The following MTMR12 variants were observed in gnomAD, a reference collection of about 807,000 sequenced individuals.
MTMR12 encodes the protein myotubularin-related protein 12.
A neutral mutation model predicts 96.7 loss-of-function variants in MTMR12; 33 were observed. The observed-to-expected ratio is 0.34, with a 90% CI of 0.26 to 0.46. The LOEUF is 0.46. Among genes scored for constraint, MTMR12 ranks in the 20% least tolerant of loss-of-function variants. The pLI, the probability that MTMR12 is intolerant of heterozygous loss-of-function variation, is 1.00. For missense variants in MTMR12, 721 were observed against 896.1 expected, an observed-to-expected ratio of 0.80 and a Z score of 2.49; for synonymous variants, 298 against 327.2, an observed-to-expected ratio of 0.91 and a Z score of 0.96.
intron 2 of MTMR12, among the ~76,000 whole-genome samples, chr5:32,276,354 T>C (rs924229351): frequency 2.6e-5 from 4 of 152,228 alleles, no homozygotes; most frequent in African/African-American, 9.6e-5. Context: ...CTCAATTCCC[T>C]ACAGATTGGG....
At chr5:32,274,688 C>T (rs929091118) in intron 2 of MTMR12, among the ~76,000 whole-genome samples, 1 of 152,208 alleles carries the variant, frequency 6.6e-6, no homozygotes, top group Admixed American at 6.5e-5. Context: ...TGACCACCCT[C>T]GTTCTGGCTC....
chr5:32,255,203 C>T (rs1205533269), intron 8 of MTMR12, among the ~76,000 whole-genome samples: 5 of 152,286 alleles, frequency 3.3e-5, no homozygotes, highest in African/African-American at 9.6e-5. Context: ...AATTAGAAAC[C>T]GGAGTAACTG....
chr5:32,241,362 T>G (rs1426389373), intron 12 of MTMR12, among the ~76,000 whole-genome samples: 3 of 152,152 alleles, frequency 2.0e-5, no homozygotes, highest in African/African-American at 7.2e-5. Context: ...AAAGATACAT[T>G]TTCCAGGCTG....
chr5:32,305,549 T>C (rs545436154), intron 1 of MTMR12, among the ~76,000 whole-genome samples: 57 of 152,318 alleles, frequency 3.7e-4, no homozygotes, highest in African/African-American at 1.3e-3. Flanking sequence ...ATAAAAATCA[T>C]CCCAATAATT....
At chr5:32,267,143 G>A (rs866812933) in intron 6 of MTMR12, among the ~76,000 whole-genome samples, 12 of 151,182 alleles carry the variant, frequency 7.9e-5, no homozygotes, top group African/African-American at 2.2e-4. Flanking sequence ...TTGGGAGGCC[G>A]AGGCCGTGGA....
intron 5 of MTMR12, among the ~76,000 whole-genome samples, chr5:32,269,379 T>C (rs1026327320): frequency 2.0e-5 from 3 of 150,952 alleles, no homozygotes; most frequent in Admixed American, 1.3e-4. Flanking sequence ...TTGTTGTTCA[T>C]TGCAACCTCC....
At chr5:32,252,411 C>G (rs1425031945) in intron 8 of MTMR12, among the ~76,000 whole-genome samples, 3 of 152,228 alleles carry the variant, frequency 2.0e-5, no homozygotes, top group African/African-American at 7.2e-5. Flanking sequence ...ATTGACTGTT[C>G]ATAATCTAGC....
chr5:32,291,497 T>C (rs756576480), intron 1 of MTMR12, among the ~76,000 whole-genome samples: 1 of 152,222 alleles, frequency 6.6e-6, no homozygotes, highest in Non-Finnish European at 1.5e-5. Flanking sequence ...TGGTCCTCTC[T>C]GAGTGGTCAA....
chr5:32,264,260 A>AGTATATACACAAATTCTCTTG (rs1184193081), intron 6 of MTMR12, among the ~76,000 whole-genome samples: 3 of 152,194 alleles, frequency 2.0e-5, no homozygotes, highest in Admixed American at 2.0e-4. Context: ...AATAGTCTTG[A>AGTATATACACAAATTCTCTTG]GTATATACAC....
At chr5:32,235,838 C>T (rs1014908311) in intron 13 of MTMR12, among the ~76,000 whole-genome samples, 1 of 152,158 alleles carries the variant, frequency 6.6e-6, no homozygotes, top group African/African-American at 2.4e-5. Context: ...ATTTAGAAAG[C>T]GCTTATCCTC....
intron 1 of MTMR12, among the ~76,000 whole-genome samples, chr5:32,278,840 G>C (rs1188580272): frequency 6.6e-6 from 1 of 152,120 alleles, no homozygotes; most frequent in East Asian, 1.9e-4. Flanking sequence ...CACTTTGGGA[G>C]GCCGAGGTGG....
At position 32,229,661 on chromosome 5, in the gene MTMR12, T is replaced by A. The variant is rs74722143; in HGVS notation, c.*117A>T. 2.0e-3 allele frequency: 1,939 copies of A among 979,346 alleles called. 20 individuals are homozygous for A. In the African/African-American group the frequency reaches 0.026, roughly 13 times the overall value. 60.7% of individuals were successfully genotyped at this position (979,346 alleles called of 1,614,324 possible). On this transcript the variant is annotated 3_prime_UTR_variant, in exon 16 of 16. Coordinates refer to ENST00000382142, the MANE Select transcript of MTMR12 (RefSeq NM_001040446.3). Reference sequence around the variant, plus strand: ...CTCTTTTCCCGAAGGCCCAGGTTTATTCTAACGGAGTGCCGGGCTAAGGAC... The same window carrying A: ...CTCTTTTCCCGAAGGCCCAGGTTTAATCTAACGGAGTGCCGGGCTAAGGAC...
intron 6 of MTMR12, among the ~76,000 whole-genome samples, chr5:32,268,340 T>G (rs1173502369): frequency 1.3e-5 from 2 of 151,940 alleles, no homozygotes; most frequent in African/African-American, 2.4e-5. Flanking sequence ...AAACCTCATC[T>G]CTACCAAAAA....
chr5:32,240,364 A>G (rs1748418767), intron 12 of MTMR12, among the ~76,000 whole-genome samples: 1 of 149,458 alleles, frequency 6.7e-6, no homozygotes, highest in Non-Finnish European at 1.5e-5. Flanking sequence ...GCACCATTGC[A>G]CTCCAGCCTG....
chr5:32,281,425 C>T (rs1750290282), intron 1 of MTMR12, among the ~76,000 whole-genome samples: 2 of 152,068 alleles, frequency 1.3e-5, no homozygotes, highest in African/African-American at 2.4e-5. Flanking sequence ...ATCTGTAAGA[C>T]TTTAACTACA....
intron 1 of MTMR12, among the ~76,000 whole-genome samples, chr5:32,288,561 TA>T (rs1209938635): frequency 6.6e-6 from 1 of 152,226 alleles, no homozygotes; most frequent in Non-Finnish European, 1.5e-5. Context: ...TTGAGTTCTC[TA>T]ATTTATATAA....
At chr5:32,273,925 G>A (rs190737872) in intron 3 of MTMR12, 55 bp downstream of exon 3, 14 of 1,603,246 alleles carry the variant, frequency 8.7e-6, no homozygotes, top group Middle Eastern at 1.7e-4. Context: ...AAAAGACAAC[G>A]GAACCACAAC....
In MTMR12 at chr5:32,233,566, A is replaced by G. The variant is rs1197020212; in HGVS notation, c.1674+207T>C. Reference sequence around the variant, plus strand: ...GCAGCATCCACAGTGACATCTGGCAAATGGCCCTGTTGTACCAGGGCAAAG... The same window carrying G: ...GCAGCATCCACAGTGACATCTGGCAGATGGCCCTGTTGTACCAGGGCAAAG... On this transcript the variant is annotated intron_variant, in intron 15 of 15. Coordinates refer to ENST00000382142, the MANE Select transcript of MTMR12 (RefSeq NM_001040446.3). This position sits in a 1 kb window ranked among gnomAD's most constrained non-coding sequence, Gnocchi z 5.0. 1.3e-5 allele frequency among the ~76,000 whole-genome samples: 2 copies of G among 152,118 alleles called. No individual in the cohort carries two copies. Among genetic ancestry groups the G allele is most frequent in the Admixed American group, 1.3e-4 (2 of 15,274 alleles).
At position 32,233,891 on chromosome 5, in the gene MTMR12, A is replaced by G; in HGVS notation, c.1556T>C (p.Leu519Pro). The G allele has an allele frequency of 6.2e-7, 1 of 1,614,166 alleles. No homozygotes were observed. The change falls in exon 15 of 16, where the codon CTC becomes CCC. Residue 519 changes from leucine to proline, a missense_variant. Transcript: ENST00000382142. The surrounding 1 kb of genome is among the most constrained non-coding windows in gnomAD (Gnocchi z 5.0). ...CTGCACCGACCAATCCCACACGGTGAGCAGATTCAAAGGCTTGCTTTGTGT... is the reference window on the plus strand; with the variant it reads ...CTGCACCGACCAATCCCACACGGTGGGCAGATTCAAAGGCTTGCTTTGTGT... ...QDTQSKPLNL[L>P]TVWDWSVQFE...
Sources: allele counts gnomAD v4.1 joint callset (sites outside exome capture counted in the v4.1 genomes callset), GRCh38; gene constraint gnomAD v4.1.1; non-coding constraint Gnocchi (gnomAD v3.1); transcripts MANE v1.5; gene names NCBI Gene and HGNC (gene_info 2026-07-23, HGNC 2026-07-21).